Variants in SORCS1 observed in about 807,000 individuals in gnomAD.
The protein encoded by SORCS1 is sortilin related VPS10 domain containing receptor 1.
In SORCS1, 60 loss-of-function variants were observed where a neutral mutation model predicts 146.1. The ratio of observed to expected loss-of-function variants is 0.41; its 90% confidence interval spans 0.33 to 0.51. The LOEUF (loss-of-function observed/expected upper bound fraction) is 0.51, where lower values mean the gene tolerates loss of function less well. SORCS1 is among the 20% of genes least tolerant of loss of function. SORCS1 has a pLI of 0.21. For synonymous variants in SORCS1, 637 were observed against 584.0 expected (o/e 1.09, Z -1.31); for missense variants, 1,352 against 1,487.6 (o/e 0.91, Z 1.50).
chr10:106,952,030 C>G (rs957949602), intron 2 of SORCS1, among the ~76,000 whole-genome samples: 6 of 152,172 alleles, frequency 3.9e-5, no homozygotes, highest in African/African-American at 1.4e-4. Context: ...CTCACTAGCT[C>G]ATTGCATTCA....
intron 1 of SORCS1, among the ~76,000 whole-genome samples, chr10:107,127,688 CT>C (rs1198877337): frequency 6.6e-6 from 1 of 152,188 alleles, no homozygotes; most frequent in East Asian, 1.9e-4. Flanking sequence ...CAGCTTTCCC[CT>C]TCTGCCCTCA....
chr10:106,672,847 T>A, intron 15 of SORCS1, 21 bp downstream of exon 15: 2 of 1,599,092 alleles, frequency 1.3e-6, no homozygotes, highest in Non-Finnish European at 1.7e-6. Flanking sequence ...CAGGCCTTAG[T>A]CTCAGTTCTT....
intron 1 of SORCS1, among the ~76,000 whole-genome samples, chr10:107,005,817 G>T (rs1198979667): frequency 1.3e-5 from 2 of 152,168 alleles, no homozygotes; most frequent in Non-Finnish European, 2.9e-5. Flanking sequence ...ATTATATGAA[G>T]ATTTCAGTCC....
chr10:106,584,046 T>C (rs570527902), intron 24 of SORCS1, among the ~76,000 whole-genome samples: 34 of 152,338 alleles, frequency 2.2e-4, no homozygotes, highest in African/African-American at 7.7e-4. Flanking sequence ...TAATTTACCA[T>C]ACCTTGATAT....
intron 2 of SORCS1, among the ~76,000 whole-genome samples, chr10:106,855,695 T>G (rs2137349839): frequency 6.6e-6 from 1 of 152,332 alleles, no homozygotes; most frequent in Admixed American, 6.5e-5. Context: ...TTCTATTACA[T>G]GGTTTTCATC....
At chr10:106,647,389 T>TACACATACACAC (rs1554887098) in intron 18 of SORCS1, among the ~76,000 whole-genome samples, 2 of 147,306 alleles carry the variant, frequency 1.4e-5, no homozygotes, top group African/African-American at 5.0e-5. Context: ...TTATAAATTT[T>TACACATACACAC]ACACACACAC....
intron 6 of SORCS1, among the ~76,000 whole-genome samples, chr10:106,716,534 G>C (rs1379961762): frequency 6.6e-6 from 1 of 152,120 alleles, no homozygotes; most frequent in African/African-American, 2.4e-5. Flanking sequence ...GATGTTGCTG[G>C]CAAGTCTGTG....
At chr10:106,949,440 G>A (rs920249185) in intron 2 of SORCS1, among the ~76,000 whole-genome samples, 1 of 152,114 alleles carries the variant, frequency 6.6e-6, no homozygotes, top group Non-Finnish European at 1.5e-5. Flanking sequence ...CAAACACACA[G>A]GTGAGTTCCC....
intron 1 of SORCS1, among the ~76,000 whole-genome samples, chr10:106,975,842 T>C (rs934027699): frequency 1.3e-4 from 20 of 152,226 alleles, no homozygotes; most frequent in African/African-American, 4.6e-4. Context: ...CAATTTCCAA[T>C]ACACAGTTAA....
rs145549049 is a variant in SORCS1, at chr10:107,132,563, G to T, written c.558+31406C>A. Among the ~76,000 whole-genome samples, 37 of 152,320 alleles carry T rather than the reference G, an allele frequency of 2.4e-4. No individual in the cohort carries two copies. The East Asian group carries it at 5.6e-3, about 23-fold the overall frequency. ...ACTTGTTTCTTGATTCGATAATTCA[G>T]TCACAGCTGGGCTGAAGTTTATCTC... On this transcript the variant is annotated intron_variant, in intron 1 of 25. Coordinates refer to ENST00000263054, the MANE Select transcript of SORCS1 (RefSeq NM_052918.5).
At chr10:106,856,879 T>C (rs920811386) in intron 2 of SORCS1, among the ~76,000 whole-genome samples, 3 of 152,224 alleles carry the variant, frequency 2.0e-5, no homozygotes, top group African/African-American at 7.2e-5. Flanking sequence ...ACTGTTGGTC[T>C]TTCCAATTCG....
At position 106,668,665 on chromosome 10, in the gene SORCS1, T is replaced by C. The variant is rs1057494457; in HGVS notation, c.2190-863A>G. On this transcript the variant is annotated intron_variant, in intron 16 of 25. Transcript: ENST00000263054. ...CACACAAGGGTCAGTAAGGGAGAAA[T>C]AGGCTCAGCTCAGGGGCCTGTCACC... 5.9e-5 allele frequency among the ~76,000 whole-genome samples: 9 copies of C among 152,094 alleles called. No individual in the cohort carries two copies. In the South Asian group the frequency reaches 6.2e-4, roughly 11 times the overall value.
chr10:106,912,948 G>A, intron 2 of SORCS1, among the ~76,000 whole-genome samples: 1 of 152,170 alleles, frequency 6.6e-6, no homozygotes, highest in East Asian at 1.9e-4. Context: ...CCAAAGTGCT[G>A]GGATTACAGG....
chr10:106,881,661 A>G (rs1012533538), intron 2 of SORCS1, among the ~76,000 whole-genome samples: 4 of 152,248 alleles, frequency 2.6e-5, no homozygotes, highest in Non-Finnish European at 5.9e-5. Context: ...AAGAAATTAA[A>G]ATGAGACAGC....
chr10:106,786,554 T>C (rs111720317), intron 3 of SORCS1, among the ~76,000 whole-genome samples: 16 of 152,248 alleles, frequency 1.1e-4, no homozygotes, highest in African/African-American at 3.6e-4. Flanking sequence ...TGACCCATCC[T>C]TGGAAGACCC....
At chr10:106,614,611 T>C (rs1162041647) in intron 21 of SORCS1, among the ~76,000 whole-genome samples, 1 of 7,996 alleles carries the variant, frequency 1.3e-4, no homozygotes, top group Admixed American at 2.2e-3. Flanking sequence ...TTTAAGTTTA[T>C]GTCATTCTCA....
intron 3 of SORCS1, among the ~76,000 whole-genome samples, chr10:106,826,732 G>C (rs547813773): frequency 6.6e-6 from 1 of 152,276 alleles, no homozygotes; most frequent in Admixed American, 6.5e-5. Flanking sequence ...ATCTCAGAAA[G>C]TGACCATGAA....
chr10:106,991,503 C>A (rs7073075), intron 1 of SORCS1, among the ~76,000 whole-genome samples: 26,350 of 152,040 alleles, frequency 0.17, 6,983 homozygotes, highest in African/African-American at 0.57. Context: ...AACTGATTTT[C>A]TCTGAACAGA....
In SORCS1 at chr10:107,132,150, C is replaced by G. The variant is rs77809978; in HGVS notation, c.558+31819G>C. ...CTCTCTCTCACCCTCTCTCCCTTTC[C>G]CCTCTTCTTTCTCTTTTCTCTCATC... On this transcript the variant is annotated intron_variant, in intron 1 of 25. Coordinates refer to ENST00000263054, the MANE Select transcript of SORCS1 (RefSeq NM_052918.5). Among the ~76,000 whole-genome samples the G allele has an allele frequency of 9.0e-3, 1,371 of 152,100 alleles. 7 individuals carry two copies. Among genetic ancestry groups the G allele is most frequent in the Non-Finnish European group, 0.014 (927 of 68,002 alleles).
Sources: allele counts gnomAD v4.1 joint callset (sites outside exome capture counted in the v4.1 genomes callset), GRCh38; gene constraint gnomAD v4.1.1; transcripts MANE v1.5; gene names NCBI Gene and HGNC (gene_info 2026-07-23, HGNC 2026-07-21).